Variants in ZNF18 observed in about 807,000 individuals in gnomAD.
ZNF18 encodes the protein heart development-specific gene 1 protein.
ZNF18 carries 42 observed loss-of-function variants against 58.1 expected under a neutral mutation model. The ratio of observed to expected loss-of-function variants is 0.72; its 90% confidence interval spans 0.56 to 0.93. The LOEUF (loss-of-function observed/expected upper bound fraction) is 0.93. Among genes scored for constraint, ZNF18 ranks in the 40% least tolerant of loss-of-function variants. The pLI is 0.00. For synonymous variants in ZNF18, 231 were observed against 239.8 expected (o/e 0.96, Z 0.34); for missense variants, 540 against 644.2 (o/e 0.84, Z 1.75).
At chr17:11,978,890 A>C (rs1295673075) in intron 6 of ZNF18, 146 bp from the exon 7 acceptor site, 4 of 568,332 alleles carry the variant, frequency 7.0e-6, no homozygotes, top group Non-Finnish European at 1.2e-5. Context: ...GTGAGAAAGA[A>C]AACTACCATA....
rs1023330883 is a variant in ZNF18, at chr17:11,992,525, C to T, written c.305G>A (p.Arg102Gln). The T allele has an allele frequency of 1.2e-6, 2 of 1,614,164 alleles. No individual in the cohort carries two copies. Among genetic ancestry groups the T allele is most frequent in the South Asian group, 1.1e-5 (1 of 91,086 alleles). ...ILPGEIQMWV[R>Q]KQCPGSGEEA... ...TTCTCCACTTCCTGGACACTGTTTC[C>T]GCACCCACATCTGGATCTCCCCAGG... The change falls in exon 2 of 7, where the codon CGG (arginine) becomes CAG (glutamine). Residue 102 changes from arginine to glutamine, a missense_variant. Coordinates refer to ENST00000580306, the MANE Select transcript of ZNF18 (RefSeq NM_001303281.2).
intron 4 of ZNF18, among the ~76,000 whole-genome samples, chr17:11,984,780 T>A (rs1967629467): frequency 6.6e-6 from 1 of 152,206 alleles, no homozygotes; most frequent in Non-Finnish European, 1.5e-5. Flanking sequence ...GTGCTGGGAT[T>A]ACAGGTGTGA....
At chr17:11,996,866 G>A (rs892929340) in intron 1 of ZNF18, 4 of 152,208 alleles carry the variant, frequency 2.6e-5, no homozygotes, top group African/African-American at 7.2e-5. Flanking sequence ...GATTAACCCA[G>A]GAAGCTCTAA....
intron 3 of ZNF18, 137 bp downstream of exon 3, chr17:11,990,837 G>C: frequency 1.0e-6 from 1 of 996,302 alleles, no homozygotes; most frequent in Non-Finnish European, 1.5e-6. Flanking sequence ...AACAAGAGCG[G>C]TTTATTTAGG....
At chr17:11,995,089 C>A (rs1968377713) in intron 1 of ZNF18, among the ~76,000 whole-genome samples, 1 of 151,902 alleles carries the variant, frequency 6.6e-6, no homozygotes, top group Non-Finnish European at 1.5e-5. Context: ...TTTATGTGGT[C>A]CTCATTAAAT....
At chr17:11,980,765 C>T (rs1967288551) in intron 6 of ZNF18, among the ~76,000 whole-genome samples, 1 of 152,196 alleles carries the variant, frequency 6.6e-6, no homozygotes, top group East Asian at 1.9e-4. Flanking sequence ...TTCTAGGCTC[C>T]CTTTTCTGTT....
the ZNF18 span, among the ~76,000 whole-genome samples, chr17:12,007,302 T>C: frequency 3.3e-5 from 5 of 152,206 alleles, no homozygotes; most frequent in African/African-American, 9.7e-5. Flanking sequence ...TCTTTAGGCT[T>C]CTTTATCTCA....
the ZNF18 span, among the ~76,000 whole-genome samples, chr17:12,012,982 T>C: frequency 6.6e-6 from 1 of 152,058 alleles, no homozygotes; most frequent in Admixed American, 6.6e-5. Flanking sequence ...AGACAGAGTC[T>C]TGATCTGTCA....
At chr17:12,003,247 G>A in the ZNF18 span, among the ~76,000 whole-genome samples, 3 of 152,054 alleles carry the variant, frequency 2.0e-5, no homozygotes, top group Non-Finnish European at 4.4e-5. Context: ...AGACCAGCCT[G>A]GCCAACATAG....
intron 2 of ZNF18, among the ~76,000 whole-genome samples, chr17:11,992,200 G>A (rs1301892412): frequency 6.6e-6 from 1 of 152,142 alleles, no homozygotes; most frequent in Non-Finnish European, 1.5e-5. Flanking sequence ...GTGGCCCCTG[G>A]GACTTGTGAC....
intron 6 of ZNF18, among the ~76,000 whole-genome samples, chr17:11,980,131 C>A (rs1044315196): frequency 2.0e-5 from 3 of 152,202 alleles, no homozygotes. Context: ...ACTTCCAGAA[C>A]AACTCTGCCA....
At chr17:12,004,904 AAAG>A in the ZNF18 span, among the ~76,000 whole-genome samples, 4 of 151,022 alleles carry the variant, frequency 2.6e-5, no homozygotes, top group Non-Finnish European at 5.9e-5. Context: ...AAAAAAAAAA[AAAG>A]AAAAGAAATG....
At chr17:12,000,196 C>T (rs1292731546), upstream of ZNF18, among the ~76,000 whole-genome samples, 3 of 152,114 alleles carry the variant, frequency 2.0e-5, no homozygotes, top group Admixed American at 2.0e-4. Flanking sequence ...GCTGGAATTA[C>T]AGGTGCGAGC....
At chr17:12,010,800 C>A in the ZNF18 span, 1 of 385,706 alleles carries the variant, frequency 2.6e-6, no homozygotes, top group South Asian at 3.3e-5. Context: ...TACTGGTTCT[C>A]ACGAAGTGTG....
rs141331318 is a variant in ZNF18, at chr17:11,992,687, C to T, written c.143G>A (p.Arg48His). Reference protein sequence around the residue: ...ETARQLFRQFRYQVMSGPHET... With the variant: ...ETARQLFRQFHYQVMSGPHET... Reference sequence around the variant, plus strand: ...ATGAGGCCCAGACATCACCTGGTAACGGAACTGCCTGAAAAGCTGGCGTGC... The same window carrying T: ...ATGAGGCCCAGACATCACCTGGTAATGGAACTGCCTGAAAAGCTGGCGTGC... Residue 48 changes from arginine to histidine, a missense_variant, in exon 2 of 7, where the codon CGT becomes CAT. Transcript: ENST00000580306. 2.1e-5 allele frequency: 34 copies of T among 1,614,252 alleles called. No individual in the cohort carries two copies. The highest frequency in any genetic ancestry group is 1.2e-4 in the South Asian group (11 of 91,088).
intron 4 of ZNF18, among the ~76,000 whole-genome samples, chr17:11,984,655 T>C (rs1240491827): frequency 2.0e-5 from 3 of 151,994 alleles, no homozygotes; most frequent in South Asian, 2.1e-4. Context: ...GCTTGGACTA[T>C]AGGCACATGC....
chr17:12,019,637 C>T, the ZNF18 span, among the ~76,000 whole-genome samples: 1 of 152,112 alleles, frequency 6.6e-6, no homozygotes, highest in Non-Finnish European at 1.5e-5. Context: ...TGCCTCTCCA[C>T]TTGATGTTTA....
At chr17:11,994,994 G>A (rs1416922908) in intron 1 of ZNF18, among the ~76,000 whole-genome samples, 2 of 152,328 alleles carry the variant, frequency 1.3e-5, no homozygotes. Context: ...GGAAGGGTTG[G>A]TCTTGCAGTC....
intron 6 of ZNF18, among the ~76,000 whole-genome samples, chr17:11,978,972 A>G (rs929551664): frequency 6.8e-6 from 1 of 147,324 alleles, no homozygotes; most frequent in Non-Finnish European, 1.5e-5. Context: ...GGAGCTGAGG[A>G]TTTTTAAACA....
Sources: gnomAD v4.1 joint callset for allele counts (sites outside exome capture counted in the v4.1 genomes callset) on GRCh38, gnomAD v4.1.1 for gene constraint, MANE v1.5 for transcripts, NCBI Gene and HGNC (gene_info 2026-07-23, HGNC 2026-07-21) for gene names.